Variants in EXT1 observed in about 807,000 individuals in gnomAD.
EXT1 encodes exostosin glycosyltransferase 1, also known as exostosin-1.
A neutral mutation model predicts 82.5 loss-of-function variants in EXT1; 20 were observed. The observed-to-expected ratio is 0.24, with a 90% confidence interval of 0.17 to 0.35. EXT1 has a LOEUF of 0.35. Among genes scored for constraint, EXT1 ranks in the 10% least tolerant of loss-of-function variants. EXT1 has a pLI of 1.00. For synonymous variants in EXT1, 348 were observed against 350.8 expected, an observed-to-expected ratio of 0.99 and a Z score of 0.09; for missense variants, 757 against 936.5, an observed-to-expected ratio of 0.81 and a Z score of 2.50.
intron 1 of EXT1, among the ~76,000 whole-genome samples, chr8:118,055,787 AGT>A (rs1298651963): frequency 6.6e-6 from 1 of 152,210 alleles, no homozygotes; most frequent in African/African-American, 2.4e-5. Context: ...GTGTGTGGCG[AGT>A]GCTTAATAAA....
At chr8:117,914,719 G>A (rs139561509) in intron 1 of EXT1, among the ~76,000 whole-genome samples, 195 of 152,252 alleles carry the variant, frequency 1.3e-3, no homozygotes, top group Middle Eastern at 6.8e-3. Flanking sequence ...CTAGGGTGGG[G>A]AAAAACTCTG....
intron 1 of EXT1, among the ~76,000 whole-genome samples, chr8:117,844,060 T>C (rs913943612): frequency 1.3e-5 from 2 of 152,128 alleles, no homozygotes; most frequent in Non-Finnish European, 2.9e-5. Flanking sequence ...GAAGGTACTC[T>C]GTCATCTATT....
At chr8:117,835,349 T>C in intron 3 of EXT1, 95 bp downstream of exon 3, 1 of 898,280 alleles carries the variant, frequency 1.1e-6, no homozygotes, top group Non-Finnish European at 1.8e-6. Flanking sequence ...AGATTTCTTT[T>C]ATAGAGCTGA....
At chr8:117,943,621 T>A (rs1249071812) in intron 1 of EXT1, among the ~76,000 whole-genome samples, 7 of 152,222 alleles carry the variant, frequency 4.6e-5, no homozygotes, top group Non-Finnish European at 1.5e-5. Context: ...GTGGTGTACA[T>A]ATCAGCATAT....
At chr8:117,829,569 CTTTTTTTTTT>C (rs35823668) in intron 4 of EXT1, among the ~76,000 whole-genome samples, 1 of 96,876 alleles carries the variant, frequency 1.0e-5, no homozygotes, top group African/African-American at 3.6e-5. Context: ...ATATATTTTT[CTTTTTTTTTT>C]TTTTTTTTTT....
chr8:117,865,801 G>A (rs898827344), intron 1 of EXT1, among the ~76,000 whole-genome samples: 3 of 152,120 alleles, frequency 2.0e-5, no homozygotes, highest in East Asian at 1.9e-4. Context: ...TATTTACACC[G>A]AGTTATATTG....
intron 1 of EXT1, among the ~76,000 whole-genome samples, chr8:117,890,130 T>C (rs972636431): frequency 1.3e-5 from 2 of 152,242 alleles, no homozygotes; most frequent in Non-Finnish European, 2.9e-5. Flanking sequence ...CTTATTTCAG[T>C]GGTTTCTGTG....
At chr8:117,807,140 G>A in intron 9 of EXT1, 77 bp downstream of exon 9, 1 of 1,565,598 alleles carries the variant, frequency 6.4e-7, no homozygotes, top group South Asian at 1.1e-5. Flanking sequence ...ACAAGATTTG[G>A]CCTTAGTTCC....
At chr8:118,088,325 A>T (rs996890041) in intron 1 of EXT1, among the ~76,000 whole-genome samples, 17 of 152,176 alleles carry the variant, frequency 1.1e-4, no homozygotes, top group African/African-American at 4.1e-4. Context: ...AATCGGGTAG[A>T]TCCCTTCTGA....
chr8:118,098,013 G>A (rs777071716), intron 1 of EXT1, among the ~76,000 whole-genome samples: 32 of 152,138 alleles, frequency 2.1e-4, no homozygotes, highest in African/African-American at 4.1e-4. Context: ...TGGGGAAAGC[G>A]GGGAGAAGGA....
At chr8:117,828,573 A>C (rs796599603) in intron 4 of EXT1, among the ~76,000 whole-genome samples, 1 of 152,284 alleles carries the variant, frequency 6.6e-6, no homozygotes, top group African/African-American at 2.4e-5. Context: ...ACATTCTTTA[A>C]GAAGGGCCTA....
At chr8:118,022,326 C>CTTTTTTTTTTT (rs71307420) in intron 1 of EXT1, among the ~76,000 whole-genome samples, 1 of 46,196 alleles carries the variant, frequency 2.2e-5, no homozygotes, top group Non-Finnish European at 4.1e-5. Flanking sequence ...CATATATATT[C>CTTTTTTTTTTT]TTTTTTTTTT....
At chr8:118,024,226 A>T (rs901539860) in intron 1 of EXT1, among the ~76,000 whole-genome samples, 2 of 152,260 alleles carry the variant, frequency 1.3e-5, no homozygotes, top group African/African-American at 4.8e-5. Context: ...ATAACTGCCA[A>T]GATTTTCCTT....
At chr8:117,817,782 G>A (rs1300379694) in intron 7 of EXT1, among the ~76,000 whole-genome samples, 1 of 152,170 alleles carries the variant, frequency 6.6e-6, no homozygotes, top group Non-Finnish European at 1.5e-5. Context: ...TGGAAGGCTG[G>A]CTAGGGCCAG....
At chr8:117,943,759 T>A (rs536466284) in intron 1 of EXT1, among the ~76,000 whole-genome samples, 1 of 152,370 alleles carries the variant, frequency 6.6e-6, no homozygotes, top group Admixed American at 6.5e-5. Flanking sequence ...CCATATGAAA[T>A]AACCTTTAGA....
intron 1 of EXT1, among the ~76,000 whole-genome samples, chr8:118,047,283 C>A (rs1237798238): frequency 1.3e-5 from 2 of 152,140 alleles, no homozygotes; most frequent in Non-Finnish European, 1.5e-5. Flanking sequence ...ATACTCCCCT[C>A]CATGCATCCT....
chr8:117,940,700 A>C (rs557725141), intron 1 of EXT1, among the ~76,000 whole-genome samples: 1 of 152,320 alleles, frequency 6.6e-6, no homozygotes, highest in South Asian at 2.1e-4. Flanking sequence ...TAACATCATT[A>C]GTTCAGAATG....
chr8:117,948,527 C>T (rs1279904194), intron 1 of EXT1, among the ~76,000 whole-genome samples: 1 of 152,212 alleles, frequency 6.6e-6, no homozygotes, highest in African/African-American at 2.4e-5. Flanking sequence ...TACAACTTTA[C>T]ACATAGTACC....
intron 1 of EXT1, among the ~76,000 whole-genome samples, chr8:117,967,160 A>G (rs930122662): frequency 6.6e-6 from 1 of 152,250 alleles, no homozygotes; most frequent in East Asian, 1.9e-4. Context: ...TGAAGAATCC[A>G]GCTGAGAAAA....
Sources: allele counts gnomAD v4.1 joint callset (sites outside exome capture counted in the v4.1 genomes callset), GRCh38; gene constraint gnomAD v4.1.1; transcripts MANE v1.5; gene names NCBI Gene and HGNC (gene_info 2026-07-23, HGNC 2026-07-21).